SYNJ1: variants seen among roughly 807,000 people sequenced by gnomAD.
SYNJ1 encodes the protein polyphosphatidylinositol phosphatase SYNJ1.
In SYNJ1, 78 loss-of-function variants were observed where a neutral mutation model predicts 168.2. That is an observed-to-expected ratio of 0.46 (90% CI 0.39 to 0.56). The LOEUF (loss-of-function observed/expected upper bound fraction) is 0.56. Among genes scored for constraint, SYNJ1 ranks in the 20% least tolerant of loss-of-function variants. SYNJ1 has a pLI of 0.00. For synonymous variants in SYNJ1, 539 were observed against 548.6 expected, an observed-to-expected ratio of 0.98 and a Z score of 0.24; for missense variants, 1,303 against 1,597.6, an observed-to-expected ratio of 0.82 and a Z score of 3.14.
intron 13 of SYNJ1, among the ~76,000 whole-genome samples, chr21:32,675,689 A>G (rs1268974812): frequency 6.6e-6 from 1 of 152,244 alleles, no homozygotes; most frequent in Admixed American, 6.5e-5. Flanking sequence ...AGACAAGATC[A>G]TAAACCTTGC....
At chr21:32,672,059 C>CAAAAA (rs1160074724) in intron 14 of SYNJ1, among the ~76,000 whole-genome samples, 86 of 24,642 alleles carry the variant, frequency 3.5e-3, no homozygotes, top group Non-Finnish European at 4.3e-3. Context: ...AACTCAATCT[C>CAAAAA]AAAAAAAAAA....
Position 32,700,062 on chromosome 21 carries a change from C to T in SYNJ1, c.255G>A (p.Met85Ile), listed in dbSNP as rs1198340069. 2 of 1,614,142 alleles carry T rather than the reference C, an allele frequency of 1.2e-6. No individual in the cohort carries two copies. Among genetic ancestry groups the T allele is most frequent in the South Asian group, 2.2e-5 (2 of 91,078 alleles). ...CAGATTCTTGAATTTTTCCAACAGA[C>T]ATACATCCAGTGACTAGGACCAGAT... ...LHYLVLVTGC[M>I]SVGKIQESEV... Residue 85 changes from methionine (M) to isoleucine (I), a missense_variant, in exon 4 of 33, where the codon ATG (methionine) becomes ATA (isoleucine). Around this residue, in one of 2 missense-constraint regions of SYNJ1, gnomAD observed 920 missense variants for 1,208.8 expected, o/e 0.76. Transcript: ENST00000674351.
chr21:32,638,050 A>G (rs913351522), intron 31 of SYNJ1, among the ~76,000 whole-genome samples: 1 of 152,208 alleles, frequency 6.6e-6, no homozygotes, highest in Non-Finnish European at 1.5e-5. Context: ...TCCAAAGTGT[A>G]AAAGAAGACT....
chr21:32,656,933 G>T (rs764594576), intron 20 of SYNJ1, 31 bp from the exon 21 acceptor site: 17 of 1,611,110 alleles, frequency 1.1e-5, no homozygotes, highest in Admixed American at 3.4e-5. Context: ...AGATGTATTA[G>T]AAATGTTTTT....
At chr21:32,648,842 G>A (rs860942) in intron 23 of SYNJ1, among the ~76,000 whole-genome samples, 12,173 of 152,120 alleles carry the variant, frequency 0.08, 632 homozygotes, top group South Asian at 0.16. Flanking sequence ...CAACATATCC[G>A]AAACAAAATT....
intron 2 of SYNJ1, among the ~76,000 whole-genome samples, chr21:32,703,829 T>A (rs2042500945): frequency 6.6e-6 from 1 of 151,906 alleles, no homozygotes. Flanking sequence ...TCCTCCCACC[T>A]CAGCCTCCCA....
chr21:32,640,828 C>T (rs2039803246), intron 29 of SYNJ1, among the ~76,000 whole-genome samples: 1 of 152,140 alleles, frequency 6.6e-6, no homozygotes. Context: ...AATATTTTTT[C>T]TATTTTCATA....
At position 32,706,667 on chromosome 21, in the gene SYNJ1, G is replaced by A. The variant is rs528406451; in HGVS notation, c.125-4620C>T. ...AGATAAAGAAGCTTTTATCTCTGAC[G>A]TTAATAAGGTAAACTCTTCTAAATA... On this transcript the variant is annotated intron_variant, in intron 2 of 32. Coordinates refer to ENST00000674351, the MANE Select transcript of SYNJ1 (RefSeq NM_203446.3). 1.3e-3 allele frequency among the ~76,000 whole-genome samples: 191 copies of A among 152,090 alleles called. 1 individual carries two copies. Among genetic ancestry groups the A allele is most frequent in the African/African-American group, 4.4e-3 (183 of 41,498 alleles).
At position 32,656,690 on chromosome 21, in the gene SYNJ1, A is replaced by G. The variant is rs932390799; in HGVS notation, c.2792T>C (p.Ile931Thr). 52 of 1,611,524 alleles carry G rather than the reference A, an allele frequency of 3.2e-5. No homozygotes were observed. Among genetic ancestry groups the G allele is most frequent in the African/African-American group, 5.3e-5 (4 of 74,808 alleles). ...QFASFGEVILIRFVEDKMWVT... is the reference protein window; with the variant it reads ...QFASFGEVILTRFVEDKMWVT... ...TTTTGCATAATAAACATCTTACCTT[A>G]TAAGTATAACTTCACCAAAACTTGC... The change falls in exon 21 of 33, where the codon ATA becomes ACA. Residue 931 changes from isoleucine to threonine, a missense_variant. By Grantham distance (89) the Ile-to-Thr change is moderately conservative. Coordinates refer to ENST00000674351, the MANE Select transcript of SYNJ1 (RefSeq NM_203446.3).
chr21:32,633,001 G>A (rs1034200903), intron 32 of SYNJ1, among the ~76,000 whole-genome samples: 1 of 152,042 alleles, frequency 6.6e-6, no homozygotes, highest in Non-Finnish European at 1.5e-5. Flanking sequence ...GCTTGGGCAA[G>A]AGCAAAACTC....
intron 10 of SYNJ1, 101 bp from the exon 11 acceptor site, chr21:32,681,749 G>T: frequency 9.1e-7 from 1 of 1,093,128 alleles, no homozygotes. Flanking sequence ...TATCATTATA[G>T]CACTATTTGG....
chr21:32,706,021 T>C (rs1055614339), intron 2 of SYNJ1, among the ~76,000 whole-genome samples: 1 of 151,692 alleles, frequency 6.6e-6, no homozygotes, highest in South Asian at 2.1e-4. Context: ...ACACCAACAG[T>C]AAGAGGACAA....
At chr21:32,642,221 A>G in intron 27 of SYNJ1, 88 bp from the exon 28 acceptor site, 1 of 1,442,308 alleles carries the variant, frequency 6.9e-7, no homozygotes, top group Non-Finnish European at 9.7e-7. Flanking sequence ...CTGCTTCATT[A>G]CCAGCAGAAA....
chr21:32,645,991 T>C, intron 24 of SYNJ1: 1 of 864,702 alleles, frequency 1.2e-6, no homozygotes. Flanking sequence ...GCTACCTCTG[T>C]GCTGACTTCT....
intron 21 of SYNJ1, 157 bp from the exon 22 acceptor site, chr21:32,653,523 G>A (rs556325956): frequency 8.6e-6 from 5 of 584,618 alleles, no homozygotes; most frequent in African/African-American, 1.9e-5. Flanking sequence ...GACCTGGAGA[G>A]GGCACTCTTC....
chr21:32,649,505 T>C (rs180851444), intron 23 of SYNJ1, among the ~76,000 whole-genome samples: 4 of 152,372 alleles, frequency 2.6e-5, no homozygotes, highest in Admixed American at 2.6e-4. Flanking sequence ...AAATCATGTT[T>C]AAGGAAATTT....
At chr21:32,648,285 C>G (rs1220792976) in intron 23 of SYNJ1, among the ~76,000 whole-genome samples, 3 of 152,190 alleles carry the variant, frequency 2.0e-5, no homozygotes, top group Non-Finnish European at 4.4e-5. Flanking sequence ...TCTTTCCCCC[C>G]AAACTTTCTT....
At chr21:32,637,406 CTTTTTTTTT>C (rs5843562) in intron 31 of SYNJ1, among the ~76,000 whole-genome samples, 3 of 100,298 alleles carry the variant, frequency 3.0e-5, no homozygotes, top group South Asian at 3.4e-4. Context: ...TTTCTTTTTT[CTTTTTTTTT>C]TTTTTTTTTT....
rs141785091 is a variant in SYNJ1, at chr21:32,639,059, G to A, written c.3764C>T (p.Pro1255Leu). The change falls in exon 31 of 33, where the codon CCG (proline) becomes CTG (leucine). Residue 1255 changes from proline (P) to leucine (L), a missense_variant. Pro to Leu is a moderately conservative substitution (Grantham distance 98). This residue lies in a region of SYNJ1 where 383 missense variants were observed against 388.8 expected (regional missense o/e 0.99). Transcript: ENST00000674351. ...AGGCTCTTGCAACCTTTGAGCAGGC[G>A]GGGGCAAAGAAGACTGCGGAGGAAA... Reference protein sequence around the residue: ...AAFPPQSSLPPPAQRLQEPLV... With the variant: ...AAFPPQSSLPLPAQRLQEPLV... 109 of 1,613,956 alleles carry A rather than the reference G, an allele frequency of 6.8e-5. No individual in the cohort carries two copies. The highest frequency in any genetic ancestry group is 1.8e-4 in the Admixed American group (11 of 59,996).
Sources: gnomAD v4.1 joint callset for allele counts (sites outside exome capture counted in the v4.1 genomes callset) on GRCh38, gnomAD v4.1.1 for gene constraint, gnomAD v4.1.1 regional missense constraint, MANE v1.5 for transcripts, NCBI Gene and HGNC (gene_info 2026-07-23, HGNC 2026-07-21) for gene names.